BIN2: variants seen among roughly 807,000 people sequenced by gnomAD.
BIN2 encodes bridging integrator 2.
BIN2 carries 43 observed loss-of-function variants against 67.9 expected under a neutral mutation model. The ratio of observed to expected loss-of-function variants is 0.63; its 90% CI spans 0.50 to 0.82. The LOEUF (loss-of-function observed/expected upper bound fraction) is 0.82. Ranked by LOEUF, BIN2 falls within the 40% of genes least tolerant of loss-of-function variation. The probability of loss-of-function intolerance (pLI) is 0.00; values close to 1 mark genes in which losing one functional copy is unlikely to be tolerated. For synonymous variants in BIN2, 244 were observed against 246.8 expected (o/e 0.99, Z 0.11); for missense variants, 581 against 671.6 (o/e 0.87, Z 1.49).
intron 12 of BIN2, among the ~76,000 whole-genome samples, chr12:51,283,269 A>G (rs891179523): frequency 1.1e-5 from 1 of 93,352 alleles, no homozygotes; most frequent in African/African-American, 2.9e-5. Context: ...ATCTCAAAAA[A>G]AAAAAAAAAA....
At chr12:51,295,258 G>T (rs1197943175) in intron 9 of BIN2, among the ~76,000 whole-genome samples, 1 of 151,692 alleles carries the variant, frequency 6.6e-6, no homozygotes, top group East Asian at 2.0e-4. Context: ...GAAATATTCA[G>T]TAAAAAGTGG....
chr12:51,313,228 A>AGGAAGGCAGGCAGGC (rs1555172220), intron 2 of BIN2, among the ~76,000 whole-genome samples: 16 of 139,796 alleles, frequency 1.1e-4, no homozygotes, highest in African/African-American at 4.2e-4. Context: ...GGAAGGCAGG[A>AGGAAGGCAGGCAGGC]AGGCAGGCAG....
chr12:51,303,181 T>A (rs1444057872), intron 2 of BIN2, 40 bp from the exon 3 acceptor site: 1 of 1,600,754 alleles, frequency 6.2e-7, no homozygotes, highest in East Asian at 2.2e-5. Context: ...AAGAGATTAA[T>A]ATTTCAAAAG....
At chr12:51,298,206 T>A (rs1233393072) in intron 7 of BIN2, among the ~76,000 whole-genome samples, 1 of 152,168 alleles carries the variant, frequency 6.6e-6, no homozygotes, top group African/African-American at 2.4e-5. Context: ...ACCCCATCTC[T>A]ACTAAAATAC....
Position 51,291,963 on chromosome 12 carries a change from T to C in BIN2, c.1143A>G (p.Ser381=), listed in dbSNP as rs931262941. The change falls in exon 10 of 13, where the codon TCA becomes TCG. Residue 381 remains serine, a synonymous_variant. Transcript: ENST00000615107. ...GGAGGACTACTTCTGTGGCAGATGA[T>C]GAAGGCTGCCCTGAAGGGCTCAGGG... ...GGALSPSGQP[S]SSATEVVLRT... 9 of 1,614,070 alleles carry C rather than the reference T, an allele frequency of 5.6e-6. No homozygotes were observed. Among genetic ancestry groups the C allele is most frequent in the Middle Eastern group, 1.6e-4 (1 of 6,084 alleles).
intron 11 of BIN2, among the ~76,000 whole-genome samples, chr12:51,285,454 C>G (rs996173630): frequency 1.3e-5 from 2 of 151,442 alleles, no homozygotes; most frequent in Non-Finnish European, 2.9e-5. Flanking sequence ...GAGATCATCT[C>G]TAAAAATATA....
chr12:51,313,941 T>G, intron 1 of BIN2, 38 bp from the exon 2 acceptor site: 1 of 1,558,996 alleles, frequency 6.4e-7, no homozygotes, highest in Non-Finnish European at 8.8e-7. Flanking sequence ...AAGGTTATAG[T>G]CAAGTCTCTC....
chr12:51,310,730 T>G (rs1399126224), intron 2 of BIN2, among the ~76,000 whole-genome samples: 1 of 152,208 alleles, frequency 6.6e-6, no homozygotes, highest in African/African-American at 2.4e-5. Context: ...TTTAGGAAGA[T>G]GTAAAATCAT....
At chr12:51,284,248 C>G (rs77372820) in intron 12 of BIN2, among the ~76,000 whole-genome samples, 1,672 of 152,216 alleles carry the variant, frequency 0.011, 41 homozygotes, top group African/African-American at 0.038. Flanking sequence ...ATATTAACCA[C>G]TGTGTCACAG....
intron 4 of BIN2, 191 bp from the exon 5 acceptor site, chr12:51,302,306 T>C: frequency 1.8e-6 from 1 of 563,388 alleles, no homozygotes; most frequent in Non-Finnish European, 3.2e-6. Flanking sequence ...TCTATGGGAG[T>C]CTGAACATAC....
chr12:51,292,253 A>C lies in BIN2; in HGVS notation c.853T>G (p.Ser285Ala). The C allele has an allele frequency of 1.9e-6, 3 of 1,604,558 alleles. No homozygotes were observed. The highest frequency in any genetic ancestry group is 2.5e-6 in the Non-Finnish European group (3 of 1,179,978). Residue 285 changes from serine to alanine, a missense_variant, in exon 10 of 13, where the codon TCC becomes GCC. Transcript: ENST00000615107. Reference sequence around the variant, plus strand: ...ACAGATTCACTCTCACTCTTCAAGGAAAGTGTAGAGGGACTAGTAGGTGAG... The same window carrying C: ...ACAGATTCACTCTCACTCTTCAAGGCAAGTGTAGAGGGACTAGTAGGTGAG... ...LTSPTSPSTL[S>A]LKSESESVSA...
Position 51,302,755 on chromosome 12 carries a change from C to T in BIN2, c.243G>A (p.Val81=), listed in dbSNP as rs1945762343. The change falls in exon 4 of 13, where the codon GTG becomes GTA. Residue 81 remains valine (V), a synonymous_variant. Coordinates refer to ENST00000615107, the MANE Select transcript of BIN2 (RefSeq NM_016293.4). The stretch of plus-strand genomic sequence containing the variant: ...TGTAGATCTCCTGCAGGGTTTCTGA[C>T]ACTCTTTTTGAACTTTCATGCATCA... The part of the protein sequence containing the change: ...VKVMHESSKR[V]SETLQEIYSS... The T allele has an allele frequency of 1.2e-6, 2 of 1,614,074 alleles. No individual in the cohort carries two copies. Among genetic ancestry groups the T allele is most frequent in the Non-Finnish European group, 1.7e-6 (2 of 1,179,940 alleles).
chr12:51,302,497 T>C (rs536758388), intron 4 of BIN2, 189 bp downstream of exon 4: 23 of 590,438 alleles, frequency 3.9e-5, no homozygotes, highest in African/African-American at 3.9e-4. Context: ...GATCCACAGA[T>C]TAGGGAAAAC....
chr12:51,306,551 C>T (rs1047311059), intron 2 of BIN2, among the ~76,000 whole-genome samples: 3 of 152,110 alleles, frequency 2.0e-5, no homozygotes, highest in Non-Finnish European at 2.9e-5. Flanking sequence ...CACTTGCACC[C>T]GGAAGGTGGA....
At chr12:51,287,259 T>C (rs1194312262) in intron 11 of BIN2, among the ~76,000 whole-genome samples, 1 of 152,090 alleles carries the variant, frequency 6.6e-6, no homozygotes, top group East Asian at 1.9e-4. Context: ...CAAGTGATCC[T>C]CCCGCCTCAG....
chr12:51,286,194 A>G (rs1945232642), intron 11 of BIN2, among the ~76,000 whole-genome samples: 1 of 152,162 alleles, frequency 6.6e-6, no homozygotes, highest in African/African-American at 2.4e-5. Flanking sequence ...TGACATGTCC[A>G]TAATTCTGCC....
At chr12:51,285,311 G>A (rs928006427) in intron 11 of BIN2, among the ~76,000 whole-genome samples, 1 of 151,966 alleles carries the variant, frequency 6.6e-6, no homozygotes. Context: ...CACGTGCAGG[G>A]GTGCACACCT....
chr12:51,296,358 G>A (rs1050776570), intron 8 of BIN2, among the ~76,000 whole-genome samples: 3 of 151,984 alleles, frequency 2.0e-5, no homozygotes, highest in South Asian at 2.1e-4. Flanking sequence ...TTAGCTGGGC[G>A]TGGTGGTGGG....
chr12:51,317,267 A>G (rs72644880), intron 1 of BIN2, among the ~76,000 whole-genome samples: 7,978 of 152,282 alleles, frequency 0.052, 666 homozygotes, highest in East Asian at 0.28. Context: ...CTCAGTATCC[A>G]GGAACTAGAT....
Sources: gnomAD v4.1 joint callset for allele counts (sites outside exome capture counted in the v4.1 genomes callset) on GRCh38, gnomAD v4.1.1 for gene constraint, MANE v1.5 for transcripts, NCBI Gene and HGNC (gene_info 2026-07-23, HGNC 2026-07-21) for gene names.